TBC1D5: variants seen among roughly 807,000 people sequenced by gnomAD.
TBC1D5 encodes the protein TBC1 domain family, member 5.
Under a neutral mutation model 100.3 loss-of-function variants are expected in TBC1D5, and 75 were observed. The observed-to-expected ratio is 0.75, with a 90% confidence interval of 0.62 to 0.91. The LOEUF (loss-of-function observed/expected upper bound fraction) is 0.91. TBC1D5 is among the 40% of genes least tolerant of loss of function. The pLI, the probability that TBC1D5 is intolerant of heterozygous loss-of-function variation, is 0.00. For synonymous variants in TBC1D5, 323 were observed against 325.6 expected (o/e 0.99, Z 0.09); for missense variants, 910 against 942.4 (o/e 0.97, Z 0.45).
intron 19 of TBC1D5, among the ~76,000 whole-genome samples, chr3:17,180,810 G>T (rs2068354389): frequency 6.6e-6 from 1 of 150,868 alleles, no homozygotes; most frequent in African/African-American, 2.4e-5. Context: ...CACTTAATGG[G>T]TACAATGTAC....
chr3:17,427,482 T>C (rs903783345), intron 4 of TBC1D5, among the ~76,000 whole-genome samples: 1 of 151,864 alleles, frequency 6.6e-6, no homozygotes, highest in African/African-American at 2.4e-5. Context: ...TAAGAATATA[T>C]AATATGTATA....
At chr3:17,157,659 T>G (rs1315443263) in exon 22 of TBC1D5, 1 of 152,208 alleles carries the variant, frequency 6.6e-6, no homozygotes, top group East Asian at 1.9e-4. Context: ...GGGACCTAAG[T>G]CCTCCGTACA....
At chr3:17,709,883 G>A (rs1239447976) in intron 1 of TBC1D5, among the ~76,000 whole-genome samples, 1 of 152,002 alleles carries the variant, frequency 6.6e-6, no homozygotes, top group Non-Finnish European at 1.5e-5. Context: ...GAATACCCAG[G>A]CAGGCTACTC....
intron 15 of TBC1D5, among the ~76,000 whole-genome samples, chr3:17,278,868 CTT>C (rs1474849480): frequency 6.6e-6 from 1 of 152,194 alleles, no homozygotes; most frequent in Non-Finnish European, 1.5e-5. Context: ...TGACTTATCT[CTT>C]AATCTGGAAG....
At chr3:17,351,189 G>C (rs1202051952) in intron 13 of TBC1D5, among the ~76,000 whole-genome samples, 1 of 152,072 alleles carries the variant, frequency 6.6e-6, no homozygotes, top group Non-Finnish European at 1.5e-5. Context: ...TTCACAAACT[G>C]GTTGCTGTTC....
intron 2 of TBC1D5, among the ~76,000 whole-genome samples, chr3:17,567,500 CT>C (rs1258295151): frequency 6.6e-6 from 1 of 151,692 alleles, no homozygotes; most frequent in East Asian, 1.9e-4. Context: ...TAATTACAGA[CT>C]AAATTTTAAG....
At chr3:17,440,460 AC>A (rs1214985057) in intron 3 of TBC1D5, among the ~76,000 whole-genome samples, 1 of 152,070 alleles carries the variant, frequency 6.6e-6, no homozygotes, top group African/African-American at 2.4e-5. Flanking sequence ...ACTCATATTT[AC>A]AAAAAATTAG....
chr3:17,254,313 C>G (rs2077435271), intron 16 of TBC1D5, among the ~76,000 whole-genome samples: 1 of 152,146 alleles, frequency 6.6e-6, no homozygotes, highest in African/African-American at 2.4e-5. Flanking sequence ...GTAGTTATAC[C>G]TTTTCTGCTC....
intron 8 of TBC1D5, among the ~76,000 whole-genome samples, chr3:17,394,982 A>G (rs2093460108): frequency 6.6e-6 from 1 of 152,114 alleles, no homozygotes; most frequent in Non-Finnish European, 1.5e-5. Context: ...TTGTGATGAC[A>G]ATGAGTAGGA....
chr3:17,676,605 C>G (rs1388514453), intron 1 of TBC1D5, among the ~76,000 whole-genome samples: 15 of 152,084 alleles, frequency 9.9e-5, no homozygotes, highest in African/African-American at 3.6e-4. Context: ...CAATGCCATC[C>G]CCATCAAGCT....
At chr3:17,380,540 T>G (rs978134236) in intron 9 of TBC1D5, among the ~76,000 whole-genome samples, 2 of 152,238 alleles carry the variant, frequency 1.3e-5, no homozygotes, top group African/African-American at 2.4e-5. Context: ...GTATTGATAG[T>G]ACGCTTCTGG....
intron 2 of TBC1D5, among the ~76,000 whole-genome samples, chr3:17,513,777 G>A (rs1217217208): frequency 6.6e-6 from 1 of 151,800 alleles, no homozygotes; most frequent in East Asian, 1.9e-4. Context: ...GAAGAAGGAT[G>A]CAGCGTGAAT....
upstream of TBC1D5, among the ~76,000 whole-genome samples, chr3:17,741,161 T>G (rs2077398142): frequency 1.3e-5 from 2 of 152,244 alleles, 1 homozygote; most frequent in Non-Finnish European, 2.9e-5. Flanking sequence ...GCACATGTTA[T>G]CAGAAATGTA....
intron 2 of TBC1D5, among the ~76,000 whole-genome samples, chr3:17,565,101 G>C (rs1333988417): frequency 6.6e-6 from 1 of 152,074 alleles, no homozygotes; most frequent in East Asian, 1.9e-4. Flanking sequence ...CTGTTCTGGG[G>C]AAACTTATGT....
At chr3:17,256,485 T>C (rs1396695078) in intron 16 of TBC1D5, among the ~76,000 whole-genome samples, 1 of 149,948 alleles carries the variant, frequency 6.7e-6, no homozygotes, top group African/African-American at 2.4e-5. Context: ...GTTATATATA[T>C]ATAACAAAAC....
intron 13 of TBC1D5, among the ~76,000 whole-genome samples, chr3:17,344,647 T>G (rs2089586465): frequency 6.6e-6 from 1 of 152,176 alleles, no homozygotes; most frequent in Non-Finnish European, 1.5e-5. Context: ...GGAGGCATCA[T>G]GCTACCTGAC....
At chr3:17,511,130 T>A (rs752502921) in intron 2 of TBC1D5, among the ~76,000 whole-genome samples, 1 of 152,064 alleles carries the variant, frequency 6.6e-6, no homozygotes. Flanking sequence ...AAAAATTTTA[T>A]GTGAAATCTG....
intron 18 of TBC1D5, among the ~76,000 whole-genome samples, chr3:17,213,046 G>A (rs746017709): frequency 1.7e-4 from 26 of 152,044 alleles, no homozygotes; most frequent in Non-Finnish European, 3.7e-4. Flanking sequence ...GCCACTTCCA[G>A]GCTCCATTCA....
chr3:17,450,083 G>A (rs900493751), intron 3 of TBC1D5, among the ~76,000 whole-genome samples: 1 of 152,132 alleles, frequency 6.6e-6, no homozygotes, highest in African/African-American at 2.4e-5. Context: ...GTGATACCAA[G>A]GCAAACAGGG....
Sources: gnomAD v4.1 joint callset for allele counts (sites outside exome capture counted in the v4.1 genomes callset) on GRCh38, gnomAD v4.1.1 for gene constraint, MANE v1.5 for transcripts, NCBI Gene and HGNC (gene_info 2026-07-23, HGNC 2026-07-21) for gene names.